SYNJ2: variants seen among roughly 807,000 people sequenced by gnomAD.
SYNJ2 encodes polyphosphatidylinositol phosphatase SYNJ2.
Under a neutral mutation model 141.3 loss-of-function variants are expected in SYNJ2, and 116 were observed. The observed-to-expected ratio is 0.82, with a 90% CI of 0.71 to 0.96. SYNJ2 has a LOEUF of 0.96. SYNJ2 is among the 40% of genes least tolerant of loss of function. The pLI is 0.00. For synonymous variants in SYNJ2, 745 were observed against 777.7 expected (o/e 0.96, Z 0.70); for missense variants, 1,873 against 1,934.8 (o/e 0.97, Z 0.60).
At chr6:158,014,522 G>A (rs1050573877) in intron 1 of SYNJ2, among the ~76,000 whole-genome samples, 1 of 152,246 alleles carries the variant, frequency 6.6e-6, no homozygotes, top group Non-Finnish European at 1.5e-5. Flanking sequence ...GTGAATAATG[G>A]GAATTGGGTG....
chr6:158,039,809 AAGG>A (rs534877930), intron 4 of SYNJ2, among the ~76,000 whole-genome samples: 55 of 152,178 alleles, frequency 3.6e-4, no homozygotes, highest in African/African-American at 1.3e-3. Flanking sequence ...CTCCAGTAGG[AAGG>A]AGGACTGTGC....
intron 15 of SYNJ2, among the ~76,000 whole-genome samples, chr6:158,072,269 G>A (rs529951236): frequency 1.8e-4 from 28 of 152,288 alleles, no homozygotes; most frequent in African/African-American, 5.8e-4. Flanking sequence ...CTGGGAACAC[G>A]GTTCTTGACC....
rs1777047642 is a variant in SYNJ2, at chr6:157,982,388, G to A, written c.127+300G>A. 6.6e-6 allele frequency among the ~76,000 whole-genome samples: 1 copy of A among 152,212 alleles called. No individual in the cohort carries two copies. The highest frequency in any genetic ancestry group is 6.5e-5 in the Admixed American group (1 of 15,286). On this transcript the variant is annotated intron_variant, in intron 1 of 26. Transcript: ENST00000355585. The surrounding 1 kb of genome is among the most constrained non-coding windows in gnomAD (Gnocchi z 4.0). ...GCTGGGGCGCTTTGCGTATTCATGA[G>A]GATCCCGGGGTGTTGACTTAGCCGG...
At chr6:158,008,564 G>C (rs918959734) in intron 1 of SYNJ2, among the ~76,000 whole-genome samples, 2 of 152,232 alleles carry the variant, frequency 1.3e-5, no homozygotes, top group African/African-American at 4.8e-5. Context: ...AGGTATAGGA[G>C]AGTGAGTAGC....
At chr6:158,023,142 C>G (rs527863674) in intron 2 of SYNJ2, among the ~76,000 whole-genome samples, 49 of 151,950 alleles carry the variant, frequency 3.2e-4, no homozygotes, top group Non-Finnish European at 6.2e-4. Context: ...CCTGTAGTCC[C>G]AGCTACTTGG....
chr6:158,002,195 C>T (rs1777889388), intron 1 of SYNJ2: 1 of 152,298 alleles, frequency 6.6e-6, no homozygotes, highest in African/African-American at 2.4e-5. Flanking sequence ...ATGCCTGGCA[C>T]ACAGTGGGCA....
chr6:158,080,979 TG>T (rs1459351106), intron 18 of SYNJ2, 129 bp from the exon 19 acceptor site: 7 of 832,834 alleles, frequency 8.4e-6, no homozygotes, highest in Non-Finnish European at 1.4e-5. Flanking sequence ...CAAAGAGCCC[TG>T]GGGGACAGCA....
intron 1 of SYNJ2, among the ~76,000 whole-genome samples, chr6:158,005,231 C>G (rs1055635167): frequency 6.6e-6 from 1 of 152,074 alleles, no homozygotes; most frequent in Non-Finnish European, 1.5e-5. Flanking sequence ...GTGCCCGCAA[C>G]GACGCCCGGC....
At chr6:158,022,641 G>A (rs1055189551) in intron 2 of SYNJ2, among the ~76,000 whole-genome samples, 1 of 152,328 alleles carries the variant, frequency 6.6e-6, no homozygotes, top group South Asian at 2.1e-4. Flanking sequence ...CACTGGAGGT[G>A]TGCAGAGCCT....
chr6:157,991,101 G>T (rs1169487944), intron 1 of SYNJ2, among the ~76,000 whole-genome samples: 1 of 152,234 alleles, frequency 6.6e-6, no homozygotes, highest in African/African-American at 2.4e-5. Context: ...GTGTATCACA[G>T]ATGGAGACTG....
rs781295476 is a variant in SYNJ2, at chr6:158,078,241, C to T, written c.2527C>T (p.Gln843Ter). ...ACACACCTGGTCTCCTGGTGCCCTG[C>T]AGTATTATGGTCGTGCGGAGCTACA... The part of the protein sequence containing the change: ...VRHTWSPGAL[Q>*]YYGRAELQAS... The change falls in exon 18 of 27, where the codon CAG becomes TAG. Residue 843 changes from glutamine (Q) to a stop codon, truncating the protein, a stop_gained. Transcript: ENST00000355585. LOFTEE classifies it high-confidence loss of function. 2 of 1,614,008 alleles carry T rather than the reference C, an allele frequency of 1.2e-6. No individual in the cohort carries two copies. The highest frequency in any genetic ancestry group is 1.7e-6 in the Non-Finnish European group (2 of 1,179,892).
intron 3 of SYNJ2, chr6:158,029,394 CAAAA>C (rs59043421): frequency 5.4e-5 from 5 of 92,632 alleles, no homozygotes; most frequent in Admixed American, 1.3e-4. Flanking sequence ...ACTAAAAATA[CAAAA>C]AAAAAAAAAA....
intron 2 of SYNJ2, among the ~76,000 whole-genome samples, chr6:158,017,982 G>A (rs573339832): frequency 2.4e-4 from 37 of 152,342 alleles, no homozygotes; most frequent in African/African-American, 8.2e-4. Flanking sequence ...GCCAAGGCGG[G>A]TGGGTGAAGA....
intron 1 of SYNJ2, among the ~76,000 whole-genome samples, chr6:157,995,255 A>C (rs1777596324): frequency 6.6e-6 from 1 of 152,226 alleles, no homozygotes; most frequent in African/African-American, 2.4e-5. Context: ...TTTAGATTTC[A>C]GGCTCAGTTT....
At chr6:158,061,768 C>T (rs1464077764) in intron 7 of SYNJ2, among the ~76,000 whole-genome samples, 2 of 152,194 alleles carry the variant, frequency 1.3e-5, no homozygotes, top group African/African-American at 4.8e-5. Context: ...GACCTTCTGC[C>T]CTTTCGCAGG....
At chr6:158,069,389 GA>G in intron 13 of SYNJ2, 143 bp from the exon 14 acceptor site, 1 of 1,058,080 alleles carries the variant, frequency 9.5e-7, no homozygotes, top group Non-Finnish European at 1.3e-6. Context: ...GTAGAAGAAG[GA>G]AAGCATGACA....
Position 158,074,611 on chromosome 6 carries a change from T to G in SYNJ2, c.2165T>G (p.Phe722Cys). 1 of 1,613,744 alleles carries G rather than the reference T, an allele frequency of 6.2e-7. No individual in the cohort carries two copies. The highest frequency in any genetic ancestry group is 8.5e-7 in the Non-Finnish European group (1 of 1,179,916). The change falls in exon 16 of 27, where the codon TTT (phenylalanine) becomes TGT (cysteine). Residue 722 changes from phenylalanine to cysteine, a missense_variant. Transcript: ENST00000355585. ...GRNVFSHDYV[F>C]WCGDFNYRID... The stretch of plus-strand genomic sequence containing the variant: ...AATGTTTTTTCTCATGATTATGTAT[T>G]TTGGTGTGGCGATTTCAACTACCGC...
Position 158,064,729 on chromosome 6 carries a change from A to T in SYNJ2, c.1338A>T (p.Arg446Ser). The T allele has an allele frequency of 6.2e-7, 1 of 1,613,910 alleles. No homozygotes were observed. The highest frequency in any genetic ancestry group is 8.5e-7 in the Non-Finnish European group (1 of 1,180,012). ...HSLSKVFTGS[R>S]ALEGKAKVGK... ...TGAGCAAGGTGTTCACAGGCAGCAG[A>T]GCCCTGGAAGGGAAGGCCAAGGTAG... The change falls in exon 10 of 27, where the codon AGA becomes AGT. Residue 446 changes from arginine to serine, a missense_variant. Coordinates refer to ENST00000355585, the MANE Select transcript of SYNJ2 (RefSeq NM_003898.4).
intron 1 of SYNJ2, chr6:158,001,104 T>TCCCCC (rs10682952): frequency 1.6e-4 from 25 of 152,186 alleles, no homozygotes; most frequent in East Asian, 7.8e-4. Flanking sequence ...GTCCGCGGTA[T>TCCCCC]CCCCAGCTCT....
Sources: gnomAD v4.1 joint callset for allele counts (sites outside exome capture counted in the v4.1 genomes callset) on GRCh38, gnomAD v4.1.1 for gene constraint, Gnocchi (gnomAD v3.1) non-coding constraint, MANE v1.5 for transcripts, NCBI Gene and HGNC (gene_info 2026-07-23, HGNC 2026-07-21) for gene names.